Variants in TLE4 observed in about 807,000 individuals in gnomAD.
TLE4 encodes TLE family member 4, transcriptional corepressor, also known as transducin-like enhancer protein 4.
In TLE4, 8 loss-of-function variants were observed where a neutral mutation model predicts 92.8. The ratio of observed to expected loss-of-function variants is 0.09; its 90% CI spans 0.05 to 0.16. The LOEUF (loss-of-function observed/expected upper bound fraction) is 0.16. TLE4 is among the 10% of genes least tolerant of loss of function. The probability of loss-of-function intolerance (pLI) is 1.00; values close to 1 mark genes in which losing one functional copy is unlikely to be tolerated. For synonymous variants in TLE4, 371 were observed against 374.1 expected, an observed-to-expected ratio of 0.99 and a Z score of 0.10; for missense variants, 675 against 997.6, an observed-to-expected ratio of 0.68 and a Z score of 4.36.
chr9:79,577,928 G>T (rs1269910757), intron 4 of TLE4, among the ~76,000 whole-genome samples: 1 of 152,046 alleles, frequency 6.6e-6, no homozygotes, highest in Non-Finnish European at 1.5e-5. Flanking sequence ...TCATCTTCTT[G>T]TCCAGCTAGC....
intron 4 of TLE4, among the ~76,000 whole-genome samples, chr9:79,589,415 C>T (rs1040513391): frequency 6.6e-6 from 1 of 151,500 alleles, no homozygotes. Context: ...TCTTCCTTTT[C>T]CTAAAGAAGG....
chr9:79,708,316 G>A, intron 12 of TLE4, 66 bp downstream of exon 12: 1 of 1,558,616 alleles, frequency 6.4e-7, no homozygotes. Flanking sequence ...GCAATTTAAG[G>A]AGTACAGTAC....
At chr9:79,714,850 C>T (rs1445207604) in intron 14 of TLE4, among the ~76,000 whole-genome samples, 3 of 152,220 alleles carry the variant, frequency 2.0e-5, no homozygotes, top group South Asian at 2.1e-4. Flanking sequence ...CTTTGCGCCT[C>T]GGTTTCTCTG....
At position 79,578,869 on chromosome 9, in the gene TLE4, G is replaced by A. The variant is rs577489094; in HGVS notation, c.252+2692G>A. Among the ~76,000 whole-genome samples the A allele has an allele frequency of 1.1e-3, 167 of 148,424 alleles. 1 individual carries two copies. The highest frequency in any genetic ancestry group is 3.8e-3 in the African/African-American group (153 of 40,124). On this transcript the variant is annotated intron_variant, in intron 4 of 19. Transcript: ENST00000376552. ...TTAAAGGGGAACTTGGTGATATGAC[G>A]TGGAATTGGAACATAAAATATGAAT...
intron 8 of TLE4, among the ~76,000 whole-genome samples, chr9:79,690,340 C>T (rs1191451322): frequency 6.6e-6 from 1 of 152,176 alleles, no homozygotes; most frequent in African/African-American, 2.4e-5. Flanking sequence ...TATGCTCTTA[C>T]AATTCAGTTT....
chr9:79,628,081 GTTTT>G (rs963202799), intron 6 of TLE4, among the ~76,000 whole-genome samples: 1 of 149,272 alleles, frequency 6.7e-6, no homozygotes, highest in East Asian at 2.0e-4. Flanking sequence ...ATATATGTAT[GTTTT>G]TTTTTTCTCA....
At position 79,588,398 on chromosome 9, in the gene TLE4, C is replaced by T. The variant is rs533930665; in HGVS notation, c.252+12221C>T. Reference sequence around the variant, plus strand: ...CTCTTGGCCTCGTGATCCCACCCACCTCGGCCTCCCAAAATGCTGGGATTA... The same window carrying T: ...CTCTTGGCCTCGTGATCCCACCCACTTCGGCCTCCCAAAATGCTGGGATTA... On this transcript the variant is annotated intron_variant, in intron 4 of 19. Transcript: ENST00000376552. Among the ~76,000 whole-genome samples, 9 of 152,250 alleles carry T rather than the reference C, an allele frequency of 5.9e-5. No individual in the cohort carries two copies. The South Asian group carries it at 1.2e-3, about 21-fold the overall frequency.
chr9:79,662,043 T>C (rs1414719917), intron 8 of TLE4, among the ~76,000 whole-genome samples: 1 of 152,206 alleles, frequency 6.6e-6, no homozygotes, highest in Non-Finnish European at 1.5e-5. Context: ...CTGTTTAATA[T>C]TCCATCCCCT....
At chr9:79,637,326 A>T (rs543694463) in intron 6 of TLE4, among the ~76,000 whole-genome samples, 1 of 152,342 alleles carries the variant, frequency 6.6e-6, no homozygotes, top group Non-Finnish European at 1.5e-5. Context: ...CAGCTTTACA[A>T]ATAATGAAAC....
intron 5 of TLE4, among the ~76,000 whole-genome samples, chr9:79,625,663 G>A (rs1375812377): frequency 6.6e-6 from 1 of 151,924 alleles, no homozygotes; most frequent in Admixed American, 6.6e-5. Context: ...CATAGTAAGT[G>A]CTCAACATAC....
intron 5 of TLE4, among the ~76,000 whole-genome samples, chr9:79,615,994 C>CCCT (rs1421227121): frequency 6.6e-6 from 1 of 152,100 alleles, no homozygotes; most frequent in Non-Finnish European, 1.5e-5. Flanking sequence ...ACCTTGTGAA[C>CCCT]CCTCATCTGT....
chr9:79,666,464 T>G (rs2061430505), intron 8 of TLE4, among the ~76,000 whole-genome samples: 1 of 152,036 alleles, frequency 6.6e-6, no homozygotes, highest in Admixed American at 6.6e-5. Flanking sequence ...GTTTCGAACT[T>G]CTGACCTCAG....
intron 8 of TLE4, among the ~76,000 whole-genome samples, chr9:79,690,557 T>TC (rs1231968277): frequency 6.6e-6 from 1 of 152,070 alleles, no homozygotes; most frequent in Non-Finnish European, 1.5e-5. Context: ...CATCTTGCAG[T>TC]CCCTTGATTC....
At chr9:79,615,323 A>G (rs1022339603) in intron 5 of TLE4, among the ~76,000 whole-genome samples, 3 of 152,140 alleles carry the variant, frequency 2.0e-5, no homozygotes, top group African/African-American at 4.8e-5. Context: ...ATCTTTTAAC[A>G]CCGGCTCTCT....
intron 4 of TLE4, among the ~76,000 whole-genome samples, chr9:79,602,480 C>T (rs569448832): frequency 1.6e-4 from 25 of 152,274 alleles, no homozygotes; most frequent in Non-Finnish European, 2.9e-4. Context: ...AAAATCCTAG[C>T]GCCTCTAAGA....
chr9:79,621,521 C>T (rs1047698134), intron 5 of TLE4, among the ~76,000 whole-genome samples: 1 of 151,958 alleles, frequency 6.6e-6, no homozygotes, highest in African/African-American at 2.4e-5. Flanking sequence ...GCTCATTATC[C>T]CAAAATGGAA....
chr9:79,651,713 G>A (rs549242890), intron 6 of TLE4, among the ~76,000 whole-genome samples: 1 of 152,128 alleles, frequency 6.6e-6, no homozygotes, highest in Non-Finnish European at 1.5e-5. Flanking sequence ...CTCAAGTACC[G>A]CTGAGGACAC....
At chr9:79,585,284 G>A (rs1424306663) in intron 4 of TLE4, among the ~76,000 whole-genome samples, 1 of 152,098 alleles carries the variant, frequency 6.6e-6, no homozygotes, top group Non-Finnish European at 1.5e-5. Context: ...CGTATGTTGG[G>A]GCTGAGACAC....
intron 6 of TLE4, among the ~76,000 whole-genome samples, chr9:79,648,886 T>C (rs2058496409): frequency 6.6e-6 from 1 of 152,030 alleles, no homozygotes; most frequent in South Asian, 2.1e-4. Context: ...TGGAAGACAA[T>C]TGTGGGTCAA....
Sources: allele counts gnomAD v4.1 joint callset (sites outside exome capture counted in the v4.1 genomes callset), GRCh38; gene constraint gnomAD v4.1.1; transcripts MANE v1.5; gene names NCBI Gene and HGNC (gene_info 2026-07-23, HGNC 2026-07-21).